The following IL2RB variants were observed in gnomAD, a reference collection of about 807,000 sequenced individuals.
IL2RB encodes the protein interleukin 2 receptor subunit beta.
In IL2RB, 17 loss-of-function variants were observed where a neutral mutation model predicts 44.2. That is an observed-to-expected ratio of 0.38 (90% CI 0.26 to 0.58). The LOEUF is 0.58. Among genes scored for constraint, IL2RB ranks in the 20% least tolerant of loss-of-function variants. The pLI is 0.63. For missense variants in IL2RB, 624 were observed against 685.5 expected (o/e 0.91, Z 1.00); for synonymous variants, 286 against 297.9 (o/e 0.96, Z 0.41).
chr22:37,153,330 GCCCAACT>G (rs1922564805), upstream of IL2RB, among the ~76,000 whole-genome samples: 1 of 152,148 alleles, frequency 6.6e-6, no homozygotes, highest in Admixed American at 6.6e-5. Context: ...AGAGAATCAG[GCCCAACT>G]CCCATGTGCA....
intron 7 of IL2RB, 137 bp from the exon 8 acceptor site, chr22:37,135,579 G>A: frequency 1.6e-6 from 1 of 607,724 alleles, no homozygotes. Context: ...ACAGGGTTCT[G>A]CTAAGCCCAT....
chr22:37,148,196 C>T (rs1023846491), intron 1 of IL2RB, among the ~76,000 whole-genome samples: 3 of 152,122 alleles, frequency 2.0e-5, no homozygotes, highest in Admixed American at 1.3e-4. Flanking sequence ...AGAGGTGCAG[C>T]GATGCTCGGA....
intron 1 of IL2RB, among the ~76,000 whole-genome samples, chr22:37,163,965 G>A (rs1297056416): frequency 6.6e-6 from 1 of 152,248 alleles, no homozygotes; most frequent in Non-Finnish European, 1.5e-5. Flanking sequence ...AGCAGCACAG[G>A]CCGAGAGTGC....
At chr22:37,144,675 C>T (rs1419455206) in intron 1 of IL2RB, among the ~76,000 whole-genome samples, 2 of 152,080 alleles carry the variant, frequency 1.3e-5, no homozygotes, top group Non-Finnish European at 2.9e-5. Flanking sequence ...AACCTGGAGG[C>T]GGAGTTTGCA....
chr22:37,136,347 A>G lies in IL2RB; in HGVS notation c.584T>C (p.Leu195Pro). ...TLKQKQEWIC[L>P]ETLTPDTQYE... ...CTGGGTGTCTGGGGTGAGCGTCTCC[A>G]GGCAGATCCATTCCTGCTTCTGCTT... Residue 195 changes from leucine to proline, a missense_variant, in exon 7 of 10, where the codon CTG becomes CCG. Transcript: ENST00000216223. 6.2e-7 allele frequency: 1 copy of G among 1,612,800 alleles called. No homozygotes were observed. The highest frequency in any genetic ancestry group is 8.5e-7 in the Non-Finnish European group (1 of 1,179,578).
Position 37,136,210 on chromosome 22 carries a change from C to G in IL2RB, c.703+18G>C. On this transcript the variant is annotated intron_variant, in intron 7 of 9. Transcript: ENST00000216223. Reference sequence around the variant, plus strand: ...CCTCCTGCCTGAGCCCCCTCTCACCCTTGCCGCCCACCAGTACCTGCAGGC... The same window carrying G: ...CCTCCTGCCTGAGCCCCCTCTCACCGTTGCCGCCCACCAGTACCTGCAGGC... 6.2e-7 allele frequency: 1 copy of G among 1,600,846 alleles called. No individual in the cohort carries two copies. The highest frequency in any genetic ancestry group is 8.5e-7 in the Non-Finnish European group (1 of 1,174,866).
intron 2 of IL2RB, 48 bp from the exon 3 acceptor site, chr22:37,143,683 C>A (rs777833039): frequency 2.3e-6 from 3 of 1,323,836 alleles, no homozygotes; most frequent in Non-Finnish European, 3.3e-6. Context: ...TGCCCACAGC[C>A]CCCCCAAGAC....
At chr22:37,143,681 G>A in intron 2 of IL2RB, 46 bp from the exon 3 acceptor site, 3 of 1,357,730 alleles carry the variant, frequency 2.2e-6, no homozygotes, top group Non-Finnish European at 3.2e-6. Context: ...GGTGCCCACA[G>A]CCCCCCCAAG....
At position 37,139,177 on chromosome 22, in the gene IL2RB, A is replaced by G. The variant is rs758258445; in HGVS notation, c.328T>C (p.Cys110Arg). ...ACCCTCCATCGCACCCCCTCACGGC[A>G]CAGCACCCTCAGGGTGACGATGTCA... Reference protein sequence around the residue: ...TVDIVTLRVLCREGVRWRVMA... With the variant: ...TVDIVTLRVLRREGVRWRVMA... The change falls in exon 5 of 10, where the codon TGC (cysteine) becomes CGC (arginine). Residue 110 changes from cysteine to arginine, a missense_variant. This residue lies in a region of IL2RB where 255 missense variants were observed against 339.9 expected (regional missense o/e 0.75). Transcript: ENST00000216223. 1 of 1,614,016 alleles carries G rather than the reference A, an allele frequency of 6.2e-7. No individual in the cohort carries two copies. Among genetic ancestry groups the G allele is most frequent in the South Asian group, 1.1e-5 (1 of 91,050 alleles).
intron 1 of IL2RB, among the ~76,000 whole-genome samples, chr22:37,147,094 G>T (rs1174939879): frequency 6.6e-6 from 1 of 152,076 alleles, no homozygotes; most frequent in Non-Finnish European, 1.5e-5. Flanking sequence ...ACAGAGCTGG[G>T]ATCAGAACCC....
intron 1 of IL2RB, among the ~76,000 whole-genome samples, chr22:37,148,195 G>GCGATGCT (rs1922318028): frequency 6.7e-6 from 1 of 149,022 alleles, no homozygotes; most frequent in African/African-American, 2.6e-5. Context: ...CAGAGGTGCA[G>GCGATGCT]CGATGCTCGG....
At chr22:37,129,708 CA>C (rs891622449) in intron 9 of IL2RB, among the ~76,000 whole-genome samples, 26 of 152,226 alleles carry the variant, frequency 1.7e-4, no homozygotes, top group African/African-American at 6.3e-4. Context: ...ATCAGGTAAG[CA>C]AATGGAGATG....
At position 37,136,214 on chromosome 22, in the gene IL2RB, C is replaced by A. The variant is rs766032787; in HGVS notation, c.703+14G>T. The A allele has an allele frequency of 6.2e-7, 1 of 1,601,990 alleles. No homozygotes were observed. Among genetic ancestry groups the A allele is most frequent in the Non-Finnish European group, 8.5e-7 (1 of 1,175,450 alleles). ...CTGCCTGAGCCCCCTCTCACCCTTG[C>A]CGCCCACCAGTACCTGCAGGCTTTG... On this transcript the variant is annotated intron_variant, in intron 7 of 9. Coordinates refer to ENST00000216223, the MANE Select transcript of IL2RB (RefSeq NM_000878.5).
chr22:37,143,914 TGTGTGC>T (rs879888740), intron 2 of IL2RB, among the ~76,000 whole-genome samples, 165 bp downstream of exon 2: 1,693 of 123,584 alleles, frequency 0.014, 46 homozygotes, highest in Admixed American at 0.061. Context: ...TGTGTGTGTG[TGTGTGC>T]GCGCATTCAT....
At chr22:37,135,527 T>C (rs1601597633) in intron 7 of IL2RB, 85 bp from the exon 8 acceptor site, 2 of 792,998 alleles carry the variant, frequency 2.5e-6, no homozygotes, top group Non-Finnish European at 4.3e-6. Context: ...AACACCCCCA[T>C]CCAGGGCCCT....
At chr22:37,170,602 C>T (rs964659465) in intron 1 of IL2RB, among the ~76,000 whole-genome samples, 6 of 152,174 alleles carry the variant, frequency 3.9e-5, no homozygotes, top group African/African-American at 1.4e-4. Context: ...TGGGAGTCGA[C>T]TTGCCCCTTC....
chr22:37,149,303 T>C (rs1922374038), intron 1 of IL2RB, among the ~76,000 whole-genome samples: 1 of 152,144 alleles, frequency 6.6e-6, no homozygotes, highest in African/African-American at 2.4e-5. Context: ...CCCAGAGGCC[T>C]CGCAGCAACT....
intron 1 of IL2RB, among the ~76,000 whole-genome samples, chr22:37,144,994 G>C (rs891314694): frequency 6.6e-6 from 1 of 152,216 alleles, no homozygotes; most frequent in Non-Finnish European, 1.5e-5. Flanking sequence ...GAACAAACAA[G>C]TGATGGAATA....
intron 9 of IL2RB, among the ~76,000 whole-genome samples, chr22:37,131,431 C>A (rs1484350176): frequency 6.6e-6 from 1 of 152,214 alleles, no homozygotes; most frequent in African/African-American, 2.4e-5. Flanking sequence ...CATGTCCCCC[C>A]TTCATTCTTG....
Sources: allele counts gnomAD v4.1 joint callset (sites outside exome capture counted in the v4.1 genomes callset), GRCh38; gene constraint gnomAD v4.1.1; regional missense constraint gnomAD v4.1.1; transcripts MANE v1.5; gene names NCBI Gene and HGNC (gene_info 2026-07-23, HGNC 2026-07-21).